CTNNA3: variants seen among roughly 807,000 people sequenced by gnomAD.
The protein encoded by CTNNA3 is catenin alpha-3.
In CTNNA3, 76 loss-of-function variants were observed where a neutral mutation model predicts 95.7. That is an observed-to-expected ratio of 0.79 (90% confidence interval 0.66 to 0.96). CTNNA3 has a LOEUF of 0.96. Among genes scored for constraint, CTNNA3 ranks in the 40% least tolerant of loss-of-function variants. The pLI is 0.00. For synonymous variants in CTNNA3, 431 were observed against 374.4 expected, an observed-to-expected ratio of 1.15 and a Z score of -1.74; for missense variants, 1,191 against 1,089.8, an observed-to-expected ratio of 1.09 and a Z score of -1.31.
chr10:66,415,252 G>A (rs1473295102), intron 11 of CTNNA3, among the ~76,000 whole-genome samples: 1 of 151,948 alleles, frequency 6.6e-6, no homozygotes, highest in East Asian at 1.9e-4. Context: ...CAGGGGCCAG[G>A]GAATCTCCCA....
chr10:66,119,497 G>A lies in CTNNA3; in HGVS notation c.1885-16248C>T, dbSNP rs571693809. On this transcript the variant is annotated intron_variant, in intron 13 of 17. Coordinates refer to ENST00000433211, the MANE Select transcript of CTNNA3 (RefSeq NM_013266.4). ...CTTCAAGATTTTCTAGGATCTTGCAGACAAATGTATACATATATTTTTTAC... is the reference window on the plus strand; with the variant it reads ...CTTCAAGATTTTCTAGGATCTTGCAAACAAATGTATACATATATTTTTTAC... Among the ~76,000 whole-genome samples the A allele has an allele frequency of 4.6e-5, 7 of 152,240 alleles. No homozygotes were observed. In the South Asian group the frequency reaches 1.4e-3, roughly 32 times the overall value.
intron 12 of CTNNA3, among the ~76,000 whole-genome samples, chr10:66,319,956 T>A (rs887792777): frequency 5.3e-5 from 8 of 151,980 alleles, no homozygotes; most frequent in African/African-American, 1.9e-4. Flanking sequence ...TTTAGAAAGG[T>A]CATTAGGATT....
At chr10:66,714,895 T>C (rs934584791) in intron 9 of CTNNA3, among the ~76,000 whole-genome samples, 1 of 152,160 alleles carries the variant, frequency 6.6e-6, no homozygotes, top group East Asian at 1.9e-4. Flanking sequence ...GCCAAGTTCT[T>C]GGGAAGACGT....
At chr10:67,023,961 T>C (rs2133082971) in intron 7 of CTNNA3, among the ~76,000 whole-genome samples, 2 of 152,328 alleles carry the variant, frequency 1.3e-5, no homozygotes, top group South Asian at 4.1e-4. Flanking sequence ...TATTACTCAA[T>C]TTCTAATCCT....
At chr10:66,762,982 T>G (rs1219994624) in intron 9 of CTNNA3, among the ~76,000 whole-genome samples, 2 of 152,092 alleles carry the variant, frequency 1.3e-5, no homozygotes, top group African/African-American at 4.8e-5. Flanking sequence ...TCAAAGTCAT[T>G]TAGAATGTAA....
intron 11 of CTNNA3, among the ~76,000 whole-genome samples, chr10:66,425,705 TAC>T (rs2093234618): frequency 6.6e-6 from 1 of 151,748 alleles, no homozygotes; most frequent in Admixed American, 6.6e-5. Context: ...CACACATATA[TAC>T]ACACACATAT....
intron 7 of CTNNA3, among the ~76,000 whole-genome samples, chr10:66,834,226 A>G (rs2132329053): frequency 6.6e-6 from 1 of 152,310 alleles, no homozygotes; most frequent in South Asian, 2.1e-4. Context: ...GCTATTAAGT[A>G]GATAATCAGA....
At chr10:67,008,752 C>T (rs1432572313) in intron 7 of CTNNA3, among the ~76,000 whole-genome samples, 2 of 152,182 alleles carry the variant, frequency 1.3e-5, no homozygotes, top group Non-Finnish European at 2.9e-5. Context: ...GGCATATTCA[C>T]AAGTGGTAGC....
intron 1 of CTNNA3, chr10:67,750,502 C>A: frequency 6.4e-7 from 1 of 1,558,242 alleles, no homozygotes; most frequent in South Asian, 1.1e-5. Context: ...GGGAGGACCT[C>A]TTCATCATCA....
chr10:67,283,246 T>C (rs1327858303), intron 5 of CTNNA3, among the ~76,000 whole-genome samples: 1 of 152,208 alleles, frequency 6.6e-6, no homozygotes, highest in African/African-American at 2.4e-5. Flanking sequence ...GTGGTTGTTA[T>C]ACAGTCTTGC....
At chr10:67,573,037 C>T (rs986583146) in intron 3 of CTNNA3, among the ~76,000 whole-genome samples, 1 of 151,866 alleles carries the variant, frequency 6.6e-6, no homozygotes, top group Non-Finnish European at 1.5e-5. Flanking sequence ...TGCAGTGAGC[C>T]GTGATTGTAC....
chr10:67,638,322 A>T (rs1341744568), intron 2 of CTNNA3, among the ~76,000 whole-genome samples: 1 of 152,338 alleles, frequency 6.6e-6, no homozygotes, highest in South Asian at 2.1e-4. Context: ...TTCTAAATAT[A>T]TATGCACCCA....
chr10:67,382,391 C>T (rs1813151567), intron 5 of CTNNA3, among the ~76,000 whole-genome samples: 1 of 151,984 alleles, frequency 6.6e-6, no homozygotes, highest in Admixed American at 6.6e-5. Flanking sequence ...AACTTTAAAA[C>T]AGTGTAGGAT....
At chr10:67,580,538 C>T (rs1025328834) in intron 3 of CTNNA3, among the ~76,000 whole-genome samples, 10 of 151,358 alleles carry the variant, frequency 6.6e-5, no homozygotes, top group African/African-American at 1.2e-4. Context: ...CTTGGCGATG[C>T]GGGCTCTTTT....
intron 7 of CTNNA3, among the ~76,000 whole-genome samples, chr10:66,931,236 A>G (rs936743036): frequency 5.9e-5 from 9 of 151,630 alleles, no homozygotes; most frequent in Non-Finnish European, 1.0e-4. Flanking sequence ...ACTATACAAC[A>G]GAACACAGAA....
At position 66,268,847 on chromosome 10, in the gene CTNNA3, G is replaced by GT. The variant is rs1261419036; in HGVS notation, c.1884+11622dup. On this transcript the variant is annotated intron_variant, in intron 13 of 17. Coordinates refer to ENST00000433211, the MANE Select transcript of CTNNA3 (RefSeq NM_013266.4). ...ATCTACTCTCTCTCCCATTTCTGCA[G>GT]TGACATGGAGGCCAGCTTATACAGA... Among the ~76,000 whole-genome samples, 17 of 152,312 alleles carry GT rather than the reference G, an allele frequency of 1.1e-4. No homozygotes were observed. The East Asian group carries it at 3.1e-3, about 28-fold the overall frequency.
At chr10:67,318,033 G>C (rs1199052187) in intron 5 of CTNNA3, among the ~76,000 whole-genome samples, 1 of 151,756 alleles carries the variant, frequency 6.6e-6, no homozygotes, top group Non-Finnish European at 1.5e-5. Flanking sequence ...TTTTACATAA[G>C]GAGGGATAGA....
At chr10:66,573,363 C>T (rs964647849) in intron 10 of CTNNA3, among the ~76,000 whole-genome samples, 12 of 152,118 alleles carry the variant, frequency 7.9e-5, no homozygotes, top group African/African-American at 2.7e-4. Flanking sequence ...TGATTGACTA[C>T]CAGGGTTGCT....
At chr10:67,109,464 A>C (rs1858807080) in intron 7 of CTNNA3, among the ~76,000 whole-genome samples, 1 of 152,212 alleles carries the variant, frequency 6.6e-6, no homozygotes, top group Non-Finnish European at 1.5e-5. Context: ...TTAAATTTTC[A>C]AGAATGCACT....
Sources: allele counts gnomAD v4.1 joint callset (sites outside exome capture counted in the v4.1 genomes callset), GRCh38; gene constraint gnomAD v4.1.1; transcripts MANE v1.5; gene names NCBI Gene and HGNC (gene_info 2026-07-23, HGNC 2026-07-21).